Variants in JMJD1C observed in about 807,000 individuals in gnomAD.
JMJD1C encodes the protein jumonji domain-containing protein 1C.
JMJD1C carries 31 observed loss-of-function variants against 245.3 expected under a neutral mutation model. The ratio of observed to expected loss-of-function variants is 0.13; its 90% confidence interval spans 0.09 to 0.17. The LOEUF (loss-of-function observed/expected upper bound fraction) is 0.17, where lower values mean the gene tolerates loss of function less well. Ranked by LOEUF, JMJD1C falls within the 10% of genes least tolerant of loss-of-function variation. The pLI is 1.00. For missense variants in JMJD1C, 2,691 were observed against 3,000.2 expected (o/e 0.90, Z 2.41); for synonymous variants, 1,057 against 1,017.4 (o/e 1.04, Z -0.74).
intron 3 of JMJD1C, among the ~76,000 whole-genome samples, chr10:63,226,714 CAAAAAAAAAA>C (rs35375607): frequency 3.5e-5 from 3 of 84,910 alleles, no homozygotes; most frequent in African/African-American, 9.8e-5. Context: ...AACCCTGTTT[CAAAAAAAAAA>C]AAAAAAAAAA....
chr10:63,297,190 G>A (rs1342789534), intron 2 of JMJD1C, among the ~76,000 whole-genome samples: 2 of 152,170 alleles, frequency 1.3e-5, no homozygotes, highest in African/African-American at 4.8e-5. Flanking sequence ...GCCAGGGATG[G>A]CCTGAAGCCT....
chr10:63,458,699 A>G (rs186716839), intron 1 of JMJD1C, among the ~76,000 whole-genome samples: 2 of 142,862 alleles, frequency 1.4e-5, no homozygotes, highest in Non-Finnish European at 3.0e-5. Context: ...GGATTTTTAT[A>G]AAGTTAAATA....
At chr10:63,292,143 G>GGTTTTTTTTTTTTTTTT (rs1396774570) in intron 2 of JMJD1C, among the ~76,000 whole-genome samples, 2 of 13,516 alleles carry the variant, frequency 1.5e-4, no homozygotes, top group African/African-American at 4.3e-4. Context: ...TGTAGAGACA[G>GGTTTTTTTTTTTTTTTT]ATTTTTTTTT....
chr10:63,451,833 A>G (rs754918572), intron 1 of JMJD1C, among the ~76,000 whole-genome samples: 1 of 152,208 alleles, frequency 6.6e-6, no homozygotes, highest in Non-Finnish European at 1.5e-5. Context: ...AAACTATTCA[A>G]TGGAAAAAGG....
chr10:63,253,557 T>C (rs1189916656), intron 3 of JMJD1C, among the ~76,000 whole-genome samples: 1 of 152,116 alleles, frequency 6.6e-6, no homozygotes, highest in Admixed American at 6.5e-5. Flanking sequence ...CTAATTTTTT[T>C]GTATTTTTAG....
At chr10:63,192,545 G>A (rs1194398836) in intron 16 of JMJD1C, among the ~76,000 whole-genome samples, 1 of 152,152 alleles carries the variant, frequency 6.6e-6, no homozygotes, top group Non-Finnish European at 1.5e-5. Flanking sequence ...TCTAGACTGG[G>A]CAACAAGAGC....
At chr10:63,317,913 C>T (rs556540297) in intron 2 of JMJD1C, among the ~76,000 whole-genome samples, 3 of 152,274 alleles carry the variant, frequency 2.0e-5, no homozygotes, top group East Asian at 3.9e-4. Flanking sequence ...GGCACGATCA[C>T]GGCTCACTGC....
chr10:63,191,466 TA>T (rs1159600081), intron 16 of JMJD1C, among the ~76,000 whole-genome samples: 3 of 152,152 alleles, frequency 2.0e-5, no homozygotes, highest in African/African-American at 7.2e-5. Context: ...AGCATGGTGC[TA>T]AAGTACAGAC....
At chr10:63,444,454 A>T (rs1440565454) in intron 1 of JMJD1C, among the ~76,000 whole-genome samples, 1 of 151,816 alleles carries the variant, frequency 6.6e-6, no homozygotes, top group Non-Finnish European at 1.5e-5. Context: ...TTGTATTTTT[A>T]GTAGAGACCG....
Position 63,208,445 on chromosome 10 carries a change from G to A in JMJD1C, c.3224C>T (p.Ser1075Leu). 1 of 1,613,954 alleles carries A rather than the reference G, an allele frequency of 6.2e-7. No individual in the cohort carries two copies. The highest frequency in any genetic ancestry group is 8.5e-7 in the Non-Finnish European group (1 of 1,179,968). ...KQDMDVERSV[S>L]DLYKMKHSVP... ...TGAGTGCTTCATTTTATAAAGATCT[G>A]ATACTGAGCGTTCTACATCCATATC... The change falls in exon 10 of 26, where the codon TCA becomes TTA. Residue 1075 changes from serine to leucine, a missense_variant. By Grantham distance (145) the Ser-to-Leu change is moderately radical. Transcript: ENST00000399262.
intron 3 of JMJD1C, among the ~76,000 whole-genome samples, chr10:63,230,355 G>C (rs1849808836): frequency 6.6e-6 from 1 of 152,146 alleles, no homozygotes; most frequent in African/African-American, 2.4e-5. Context: ...CTGGGCAACA[G>C]AGCAAAGACT....
chr10:63,393,144 T>C (rs890554603), intron 1 of JMJD1C, among the ~76,000 whole-genome samples: 1 of 152,046 alleles, frequency 6.6e-6, no homozygotes, highest in Middle Eastern at 3.2e-3. Flanking sequence ...GGTGGACAAC[T>C]GTAGTCCCAG....
chr10:63,477,515 T>G (rs1201803818), intron 1 of JMJD1C, among the ~76,000 whole-genome samples: 1 of 149,178 alleles, frequency 6.7e-6, no homozygotes, highest in Non-Finnish European at 1.5e-5. Context: ...GATGATCTCT[T>G]CAACAAATGG....
At position 63,376,855 on chromosome 10, in the gene JMJD1C, C is replaced by T. The variant is rs1023991781; in HGVS notation, c.333+3463G>A. On this transcript the variant is annotated intron_variant, in intron 2 of 25. Coordinates refer to ENST00000399262, the MANE Select transcript of JMJD1C (RefSeq NM_032776.3). ...AAAAATGGTGCAGCCACTTGGAAAACAGTATGAAAGTGCCTCAAAAAATTA... is the reference window on the plus strand; with the variant it reads ...AAAAATGGTGCAGCCACTTGGAAAATAGTATGAAAGTGCCTCAAAAAATTA... Among the ~76,000 whole-genome samples the T allele has an allele frequency of 3.0e-4, 45 of 152,304 alleles. 1 individual carries two copies. Among genetic ancestry groups the T allele is most frequent in the Middle Eastern group, 3.4e-3 (1 of 294 alleles).
At chr10:63,510,009 T>A (rs1441716664) in intron 1 of JMJD1C, among the ~76,000 whole-genome samples, 4 of 27,090 alleles carry the variant, frequency 1.5e-4, no homozygotes, top group African/African-American at 2.4e-4. Flanking sequence ...TTTTAGATCT[T>A]TTTTTTTTTT....
intron 1 of JMJD1C, among the ~76,000 whole-genome samples, chr10:63,432,626 G>A (rs905929256): frequency 1.3e-5 from 2 of 152,138 alleles, no homozygotes; most frequent in Admixed American, 1.3e-4. Context: ...CATCAACTCT[G>A]GAATGTCTAC....
intron 3 of JMJD1C, chr10:63,222,478 G>A: frequency 1.0e-6 from 1 of 982,876 alleles, no homozygotes; most frequent in East Asian, 2.4e-5. Context: ...GGAAAGTTGT[G>A]GCAGTAGGAG....
intron 2 of JMJD1C, among the ~76,000 whole-genome samples, chr10:63,279,510 C>T (rs1857172655): frequency 1.3e-5 from 2 of 152,114 alleles, no homozygotes; most frequent in South Asian, 4.1e-4. Context: ...TGAAAGAGGC[C>T]AAGGGCCAGG....
intron 2 of JMJD1C, among the ~76,000 whole-genome samples, chr10:63,337,719 T>C (rs1246086469): frequency 6.6e-6 from 1 of 152,088 alleles, no homozygotes; most frequent in Non-Finnish European, 1.5e-5. Context: ...AGATTACAGA[T>C]TCCCTCATTC....
Sources: allele counts gnomAD v4.1 joint callset (sites outside exome capture counted in the v4.1 genomes callset), GRCh38; gene constraint gnomAD v4.1.1; transcripts MANE v1.5; gene names NCBI Gene and HGNC (gene_info 2026-07-23, HGNC 2026-07-21).